Variants in PRX observed in about 807,000 individuals in gnomAD.
PRX encodes periaxin.
In PRX, 24 loss-of-function variants were observed where a neutral mutation model predicts 29.6. The observed-to-expected ratio is 0.81, with a 90% CI of 0.59 to 1.14. PRX has a LOEUF of 1.14. Among genes scored for constraint, PRX ranks in the 50% most tolerant of loss-of-function variants. The pLI is 0.00. For missense variants in PRX, 1,838 were observed against 1,926.4 expected, an observed-to-expected ratio of 0.95 and a Z score of 0.86; for synonymous variants, 772 against 831.7, an observed-to-expected ratio of 0.93 and a Z score of 1.24.
upstream of PRX, among the ~76,000 whole-genome samples, chr19:40,413,552 A>AC (rs112426896): frequency 0.01 from 1,584 of 152,216 alleles, 31 homozygotes; most frequent in African/African-American, 0.037. Flanking sequence ...CGGGACAGCC[A>AC]CCAGCCGCCT....
At position 40,398,442 on chromosome 19, in the gene PRX, G is replaced by C. The variant is rs1450193097; in HGVS notation, c.381+178C>G. ...GAGGGCCCTGGGCTGGGGTGGGTCT[G>C]TCCCCCTTCCCGGGGAAGAGTTTGG... On this transcript the variant is annotated intron_variant, in intron 6 of 6. Coordinates refer to ENST00000324001, the MANE Select transcript of PRX (RefSeq NM_181882.3). This position sits in a 1 kb window ranked among gnomAD's most constrained non-coding sequence, Gnocchi z 6.3. 3 of 1,514,920 alleles carry C rather than the reference G, an allele frequency of 2.0e-6. No homozygotes were observed. The highest frequency in any genetic ancestry group is 2.6e-6 in the Non-Finnish European group (3 of 1,136,734). 93.8% of individuals were successfully genotyped at this position (1,514,920 alleles called of 1,614,324 possible).
intron 1 of PRX, among the ~76,000 whole-genome samples, chr19:40,409,958 C>A (rs2079551066): frequency 6.6e-6 from 1 of 152,126 alleles, no homozygotes; most frequent in African/African-American, 2.4e-5. Context: ...CGAGCCAGGA[C>A]TTGAATTTGT....
Position 40,398,085 on chromosome 19 carries a change from G to T in PRX, c.382-115C>A. On this transcript the variant is annotated intron_variant, in intron 6 of 6. Coordinates refer to ENST00000324001, the MANE Select transcript of PRX (RefSeq NM_181882.3). This position sits in a 1 kb window ranked among gnomAD's most constrained non-coding sequence, Gnocchi z 6.3. ...GGGGATGTGCTGGGTCAAGTATCTTGTTCCCCAAACATCATCCCCACTTCT... is the reference window on the plus strand; with the variant it reads ...GGGGATGTGCTGGGTCAAGTATCTTTTTCCCCAAACATCATCCCCACTTCT... The T allele has an allele frequency of 5.5e-6, 8 of 1,456,216 alleles. No individual in the cohort carries two copies. The highest frequency in any genetic ancestry group is 7.2e-6 in the Non-Finnish European group (8 of 1,104,590). 90.2% of individuals were successfully genotyped at this position (1,456,216 alleles called of 1,614,324 possible). A position where few individuals can be genotyped will look rare whatever the true frequency, so the allele number is the denominator to read the frequency against.
chr19:40,394,199 C>T lies in PRX; in HGVS notation c.4153G>A (p.Ala1385Thr). The T allele has an allele frequency of 6.3e-7, 1 of 1,589,900 alleles. No homozygotes were observed. The highest frequency in any genetic ancestry group is 1.1e-5 in the South Asian group (1 of 88,662). ...RVRLPRVGLA[A>T]PSKASRGQEG... ...TGCCCCCGAGAGGCTTTAGAAGGGG[C>T]CGCCAGGCCTACACGTGGCAAGCGG... The change falls in exon 7 of 7, where the codon GCC becomes ACC. Residue 1385 changes from alanine to threonine, a missense_variant. Around this residue, in one of 3 missense-constraint regions of PRX, gnomAD observed 1,143 missense variants for 1,193.0 expected, o/e 0.96. Transcript: ENST00000324001. This position sits in a 1 kb window ranked among gnomAD's most constrained non-coding sequence, Gnocchi z 5.8.
chr19:40,399,359 T>C (rs983910564), intron 5 of PRX, among the ~76,000 whole-genome samples: 2 of 152,172 alleles, frequency 1.3e-5, no homozygotes, highest in African/African-American at 4.8e-5. Context: ...ATAAGAAAGG[T>C]TGTCATGGCC....
Position 40,396,509 on chromosome 19 carries a change from C to T in PRX, c.1843G>A (p.Asp615Asn), listed in dbSNP as rs377037656. The change falls in exon 7 of 7, where the codon GAT becomes AAT. Residue 615 changes from aspartate to asparagine, a missense_variant. By Grantham distance (23) the Asp-to-Asn change is conservative. This residue lies in a region of PRX where 1,143 missense variants were observed against 1,193.0 expected (regional missense o/e 0.96). Transcript: ENST00000324001. ...AGCTGCACTTCTGGGAGGTGCACAT[C>T]GGGCACGGCCATCTCGGGCACCTTC... ...LPKVPEMAVP[D>N]VHLPEVQLPK... 34 of 1,613,900 alleles carry T rather than the reference C, an allele frequency of 2.1e-5. No homozygotes were observed. Among genetic ancestry groups the T allele is most frequent in the African/African-American group, 1.3e-4 (10 of 74,894 alleles).
At chr19:40,410,219 C>T (rs574986285) in intron 1 of PRX, among the ~76,000 whole-genome samples, 2 of 152,284 alleles carry the variant, frequency 1.3e-5, no homozygotes, top group African/African-American at 2.4e-5. Flanking sequence ...CCCCAACCCC[C>T]GACTCTGGGC....
At position 40,397,141 on chromosome 19, in the gene PRX, C is replaced by T. The variant is rs146948818; in HGVS notation, c.1211G>A (p.Arg404Gln). The T allele has an allele frequency of 9.3e-6, 15 of 1,614,144 alleles. No homozygotes were observed. The highest frequency in any genetic ancestry group is 8.9e-5 in the East Asian group (4 of 44,874). ...PTFGLSLLEP[R>Q]PAAPEVVESK... ...CTCTACAACTTCAGGAGCAGCGGGC[C>T]GGGGCTCCAAGAGGGAAAGCCCAAA... The change falls in exon 7 of 7, where the codon CGG (arginine) becomes CAG (glutamine). Residue 404 changes from arginine (R) to glutamine (Q), a missense_variant. Physicochemically the swap from Arg to Gln is conservative, Grantham distance 43. Transcript: ENST00000324001.
rs199863083 is a variant in PRX at position 40,397,634 on chromosome 19, G to T, written c.718C>A (p.Arg240=). Reference sequence around the variant, plus strand: ...ACACCCACCTCCGCCCCTGGCAGCCGCGGCCCAACCAGCTCCACCTGAGGG... The same window carrying T: ...ACACCCACCTCCGCCCCTGGCAGCCTCGGCCCAACCAGCTCCACCTGAGGG... ...TAPQVELVGP[R]LPGAEVGVPQ... Residue 240 remains arginine (R), a synonymous_variant, in exon 7 of 7, where the codon CGG becomes AGG. Transcript: ENST00000324001. The T allele has an allele frequency of 1.9e-6, 3 of 1,543,526 alleles. No homozygotes were observed. Among genetic ancestry groups the T allele is most frequent in the Admixed American group, 1.9e-5 (1 of 51,442 alleles).
At chr19:40,410,786 G>A (rs1795960818) in intron 1 of PRX, among the ~76,000 whole-genome samples, 2 of 152,144 alleles carry the variant, frequency 1.3e-5, no homozygotes, top group Non-Finnish European at 1.5e-5. Context: ...CAGGAGAATC[G>A]CTTCAGCCTG....
rs1363016801 is a variant in PRX at position 40,396,163 on chromosome 19, G to A, written c.2189C>T (p.Pro730Leu). 2.7e-5 allele frequency: 43 copies of A among 1,613,344 alleles called. No individual in the cohort carries two copies. The highest frequency in any genetic ancestry group is 3.6e-5 in the Non-Finnish European group (43 of 1,179,590). Residue 730 changes from proline (P) to leucine (L), a missense_variant, in exon 7 of 7, where the codon CCC becomes CTC. Pro to Leu is a moderately conservative substitution (Grantham distance 98). This residue lies in a region of PRX where 1,143 missense variants were observed against 1,193.0 expected (regional missense o/e 0.96). Transcript: ENST00000324001. ...GGGCACAGCCATCTCAGGCACCTTGGGGAGTTTTATCTCTGGGAGCTTCAT... is the reference window on the plus strand; with the variant it reads ...GGGCACAGCCATCTCAGGCACCTTGAGGAGTTTTATCTCTGGGAGCTTCAT... Reference protein sequence around the residue: ...PDMKLPEIKLPKVPEMAVPDV... With the variant: ...PDMKLPEIKLLKVPEMAVPDV...
At chr19:40,412,869 C>G (rs909680523) in intron 1 of PRX, among the ~76,000 whole-genome samples, 10 of 152,170 alleles carry the variant, frequency 6.6e-5, no homozygotes, top group Admixed American at 3.9e-4. Context: ...GCATGCACCA[C>G]CATGCCCAGC....
In PRX at chr19:40,396,155, G is replaced by T; in HGVS notation, c.2197C>A (p.Pro733Thr). 2 of 1,613,438 alleles carry T rather than the reference G, an allele frequency of 1.2e-6. No homozygotes were observed. The highest frequency in any genetic ancestry group is 1.7e-6 in the Non-Finnish European group (2 of 1,179,580). Residue 733 changes from proline (P) to threonine (T), a missense_variant, in exon 7 of 7, where the codon CCT becomes ACT. By Grantham distance (38) the Pro-to-Thr change is conservative. This residue lies in a region of PRX where 1,143 missense variants were observed against 1,193.0 expected (regional missense o/e 0.96). Coordinates refer to ENST00000324001, the MANE Select transcript of PRX (RefSeq NM_181882.3). ...TGCACATCGGGCACAGCCATCTCAG[G>T]CACCTTGGGGAGTTTTATCTCTGGG... ...KLPEIKLPKV[P>T]EMAVPDVHLP...
In PRX at chr19:40,403,708, T is replaced by G. The variant is rs779928693; in HGVS notation, c.182A>C (p.Glu61Ala). 7 of 1,553,270 alleles carry G rather than the reference T, an allele frequency of 4.5e-6. No individual in the cohort carries two copies. The highest frequency in any genetic ancestry group is 2.4e-5 in the South Asian group (2 of 84,518). ...SPAARSLSLQEGDQLLSARVF... is the reference protein window; with the variant it reads ...SPAARSLSLQAGDQLLSARVF... The stretch of plus-strand genomic sequence containing the variant: ...CCCCACACCCCGGGCCCGCCCACCT[T>G]CCTGCAGGCTGAGGCTCCTGGCGGC... The change falls in exon 5 of 7, where the codon GAA becomes GCA. Residue 61 changes from glutamate to alanine, a missense_variant and splice_region_variant. Physicochemically the swap from Glu to Ala is moderately radical, Grantham distance 107. Around this residue, in one of 3 missense-constraint regions of PRX, gnomAD observed 666 missense variants for 665.0 expected, o/e 1.00. Transcript: ENST00000324001.
Position 40,398,858 on chromosome 19 carries a change from G to A in PRX, c.185-42C>T, listed in dbSNP as rs752141343. The A allele has an allele frequency of 3.1e-6, 5 of 1,613,098 alleles. No homozygotes were observed. Among genetic ancestry groups the A allele is most frequent in the Admixed American group, 1.7e-5 (1 of 59,962 alleles). ...GGTGCGCAGCACGTGGGCATCTCCCGGCTCCGCCCGGGCCTAGTTCTGCCC... is the reference window on the plus strand; with the variant it reads ...GGTGCGCAGCACGTGGGCATCTCCCAGCTCCGCCCGGGCCTAGTTCTGCCC... On this transcript the variant is annotated intron_variant, in intron 5 of 6. Coordinates refer to ENST00000324001, the MANE Select transcript of PRX (RefSeq NM_181882.3). This position sits in a 1 kb window ranked among gnomAD's most constrained non-coding sequence, Gnocchi z 6.3.
At chr19:40,413,902 G>T (rs146151890), upstream of PRX, among the ~76,000 whole-genome samples, 206 of 152,276 alleles carry the variant, frequency 1.4e-3, no homozygotes, top group African/African-American at 4.6e-3. Context: ...ACATAATGAG[G>T]GTTACTAATA....
chr19:40,394,161 T>C lies in PRX; in HGVS notation c.4191A>G (p.Ala1397=). 3 of 1,589,208 alleles carry C rather than the reference T, an allele frequency of 1.9e-6. No individual in the cohort carries two copies. Among genetic ancestry groups the C allele is most frequent in the Non-Finnish European group, 2.6e-6 (3 of 1,164,716 alleles). ...TCTCTCTGACGGGGGACTTGGGGGC[T>C]GCATCGCCCTCCTGCCCCCGAGAGG... is the stretch of plus-strand genomic sequence containing the variant. The part of the protein sequence containing the change: ...SKASRGQEGD[A]APKSPVREKS... The change falls in exon 7 of 7, where the codon GCA becomes GCG. Residue 1397 remains alanine, a synonymous_variant. Coordinates refer to ENST00000324001, the MANE Select transcript of PRX (RefSeq NM_181882.3). The surrounding 1 kb of genome is among the most constrained non-coding windows in gnomAD (Gnocchi z 5.8).
At position 40,394,705 on chromosome 19, in the gene PRX, A is replaced by G; in HGVS notation, c.3647T>C (p.Val1216Ala). ...VGEGVFKMPT[V>A]TVPQLELDVG... ...GTCCAGCTCAAGCTGGGGCACTGTC[A>G]CGGTGGGCATCTTAAAGACACCCTC... Residue 1216 changes from valine (V) to alanine (A), a missense_variant, in exon 7 of 7, where the codon GTG (valine) becomes GCG (alanine). Physicochemically the swap from Val to Ala is moderately conservative, Grantham distance 64. This residue lies in a region of PRX where 1,143 missense variants were observed against 1,193.0 expected (regional missense o/e 0.96). Transcript: ENST00000324001. This position sits in a 1 kb window ranked among gnomAD's most constrained non-coding sequence, Gnocchi z 5.8. The G allele has an allele frequency of 1.2e-6, 2 of 1,611,550 alleles. No individual in the cohort carries two copies. Among genetic ancestry groups the G allele is most frequent in the Non-Finnish European group, 1.7e-6 (2 of 1,179,964 alleles).
chr19:40,408,988 A>G (rs2079546117), intron 1 of PRX, among the ~76,000 whole-genome samples: 1 of 151,674 alleles, frequency 6.6e-6, no homozygotes, highest in African/African-American at 2.4e-5. Context: ...GCACCTTGGG[A>G]CTACAGGTAC....
Sources: gnomAD v4.1 joint callset for allele counts (sites outside exome capture counted in the v4.1 genomes callset) on GRCh38, gnomAD v4.1.1 for gene constraint, gnomAD v4.1.1 regional missense constraint, Gnocchi (gnomAD v3.1) non-coding constraint, MANE v1.5 for transcripts, NCBI Gene and HGNC (gene_info 2026-07-23, HGNC 2026-07-21) for gene names.